LRRTM4: variants seen among roughly 807,000 people sequenced by gnomAD.
LRRTM4 encodes the protein leucine-rich repeat transmembrane neuronal protein 4.
A neutral mutation model predicts 47.6 loss-of-function variants in LRRTM4; 25 were observed. That is an observed-to-expected ratio of 0.53 (90% CI 0.38 to 0.73). LRRTM4 has a LOEUF of 0.73. LRRTM4 is among the 30% of genes least tolerant of loss of function. The pLI, the probability that LRRTM4 is intolerant of heterozygous loss-of-function variation, is 0.00. For synonymous variants in LRRTM4, 311 were observed against 269.5 expected (o/e 1.15, Z -1.51); for missense variants, 638 against 713.4 (o/e 0.89, Z 1.20).
At chr2:77,332,266 C>T (rs1169155465) in intron 3 of LRRTM4, among the ~76,000 whole-genome samples, 3 of 151,980 alleles carry the variant, frequency 2.0e-5, no homozygotes, top group Non-Finnish European at 4.4e-5. Context: ...ATAAATAAAC[C>T]AAACAATAAA....
intron 3 of LRRTM4, among the ~76,000 whole-genome samples, chr2:76,904,018 C>T (rs555850708): frequency 6.6e-6 from 1 of 152,308 alleles, no homozygotes; most frequent in South Asian, 2.1e-4. Flanking sequence ...GTTGAAAGCC[C>T]AGTGCTTCAC....
intron 3 of LRRTM4, among the ~76,000 whole-genome samples, chr2:76,901,166 C>T (rs532087821): frequency 5.3e-5 from 8 of 152,218 alleles, no homozygotes; most frequent in Admixed American, 2.0e-4. Context: ...CTAAGCCTGG[C>T]GTGCATTAGG....
intron 3 of LRRTM4, among the ~76,000 whole-genome samples, chr2:77,043,222 T>C (rs2103746765): frequency 6.6e-6 from 1 of 151,918 alleles, no homozygotes; most frequent in Non-Finnish European, 1.5e-5. Context: ...CTATTTTGAT[T>C]GCAGGTCAGA....
At chr2:77,421,284 A>G (rs1350275729) in intron 3 of LRRTM4, among the ~76,000 whole-genome samples, 1 of 152,216 alleles carries the variant, frequency 6.6e-6, no homozygotes, top group Non-Finnish European at 1.5e-5. Context: ...CCTGCTTTTC[A>G]TATACAAATC....
intron 3 of LRRTM4, among the ~76,000 whole-genome samples, chr2:77,309,605 G>A (rs1369572133): frequency 6.6e-6 from 1 of 151,986 alleles, no homozygotes; most frequent in Non-Finnish European, 1.5e-5. Context: ...AGCCCCCTGG[G>A]ATACTAGCCA....
At chr2:77,509,231 C>CAA (rs3085637) in intron 3 of LRRTM4, among the ~76,000 whole-genome samples, 23,955 of 137,882 alleles carry the variant, frequency 0.17, 4,360 homozygotes, top group East Asian at 0.5. Context: ...GACTCTGTAT[C>CAA]AAAAAAAAAA....
intron 3 of LRRTM4, among the ~76,000 whole-genome samples, chr2:77,144,479 G>A (rs1672205124): frequency 6.6e-6 from 1 of 152,042 alleles, no homozygotes; most frequent in Non-Finnish European, 1.5e-5. Flanking sequence ...ACACATTCAT[G>A]AGAGAAGGAA....
chr2:77,480,525 G>A (rs934621721), intron 3 of LRRTM4, among the ~76,000 whole-genome samples: 7 of 152,054 alleles, frequency 4.6e-5, no homozygotes, highest in African/African-American at 1.2e-4. Context: ...TGTTCAACTC[G>A]GCATTGTGAA....
intron 3 of LRRTM4, among the ~76,000 whole-genome samples, chr2:76,755,196 T>C (rs569788562): frequency 4.4e-4 from 67 of 152,268 alleles, no homozygotes; most frequent in African/African-American, 1.6e-3. Context: ...ATACTTACAA[T>C]GTTCAATATT....
chr2:77,007,037 G>T (rs1033516690), intron 3 of LRRTM4, among the ~76,000 whole-genome samples: 1 of 151,696 alleles, frequency 6.6e-6, no homozygotes, highest in African/African-American at 2.4e-5. Flanking sequence ...TTTTGTTTTT[G>T]TTCTTTATTG....
chr2:77,285,452 T>A (rs1040340712), intron 3 of LRRTM4, among the ~76,000 whole-genome samples: 2 of 148,872 alleles, frequency 1.3e-5, no homozygotes, highest in Non-Finnish European at 3.0e-5. Context: ...ATACTAAAAA[T>A]AGATCCTGGC....
At chr2:76,791,206 C>T (rs1329618341) in intron 3 of LRRTM4, among the ~76,000 whole-genome samples, 1 of 152,108 alleles carries the variant, frequency 6.6e-6, no homozygotes, top group Non-Finnish European at 1.5e-5. Flanking sequence ...GTGATCCAGG[C>T]ATGTGGCTTG....
chr2:77,019,187 CTGAG>C (rs1019264876), intron 3 of LRRTM4, among the ~76,000 whole-genome samples: 1 of 132,170 alleles, frequency 7.6e-6, no homozygotes, highest in Non-Finnish European at 1.5e-5. Flanking sequence ...ATGGATAGTA[CTGAG>C]TTTTACAAAA....
At chr2:76,826,187 T>A (rs1281778776) in intron 3 of LRRTM4, among the ~76,000 whole-genome samples, 1 of 151,680 alleles carries the variant, frequency 6.6e-6, no homozygotes, top group African/African-American at 2.4e-5. Flanking sequence ...TTTTTCTTAA[T>A]AATGAATATA....
chr2:77,215,162 C>G (rs538053895), intron 3 of LRRTM4, among the ~76,000 whole-genome samples: 2 of 151,974 alleles, frequency 1.3e-5, no homozygotes, highest in Non-Finnish European at 2.9e-5. Context: ...ATATGAGAAC[C>G]TTTACATTTT....
At chr2:77,001,335 G>A (rs1032008745) in intron 3 of LRRTM4, among the ~76,000 whole-genome samples, 3 of 152,070 alleles carry the variant, frequency 2.0e-5, no homozygotes, top group Non-Finnish European at 4.4e-5. Context: ...TAACTGACAG[G>A]GGATCTGAAA....
intron 3 of LRRTM4, among the ~76,000 whole-genome samples, chr2:77,338,585 C>CA (rs888580903): frequency 3.3e-5 from 5 of 150,900 alleles, no homozygotes; most frequent in African/African-American, 1.2e-4. Flanking sequence ...AAAAAGAAAA[C>CA]AAAAAAACAG....
intron 3 of LRRTM4, among the ~76,000 whole-genome samples, chr2:76,993,394 G>C (rs1437646140): frequency 1.3e-5 from 2 of 151,674 alleles, no homozygotes; most frequent in Non-Finnish European, 2.9e-5. Flanking sequence ...AATCCATAAG[G>C]AACTTAAATA....
At chr2:77,143,382 T>C (rs1672175583) in intron 3 of LRRTM4, among the ~76,000 whole-genome samples, 2 of 152,190 alleles carry the variant, frequency 1.3e-5, no homozygotes. Flanking sequence ...GATATTCAAA[T>C]ACCATTAGCG....
Sources: allele counts gnomAD v4.1 joint callset (sites outside exome capture counted in the v4.1 genomes callset), GRCh38; gene constraint gnomAD v4.1.1; transcripts MANE v1.5; gene names NCBI Gene and HGNC (gene_info 2026-07-23, HGNC 2026-07-21).